The following GSK3B variants were observed in gnomAD, a reference collection of about 807,000 sequenced individuals.
GSK3B encodes glycogen synthase kinase 3 beta, also known as glycogen synthase kinase-3 beta.
GSK3B carries 15 observed loss-of-function variants against 56.4 expected under a neutral mutation model. The observed-to-expected ratio is 0.27, with a 90% CI of 0.18 to 0.41. The LOEUF is 0.41. Among genes scored for constraint, GSK3B ranks in the 10% least tolerant of loss-of-function variants. The pLI is 1.00. For synonymous variants in GSK3B, 181 were observed against 188.9 expected (o/e 0.96, Z 0.34); for missense variants, 300 against 513.4 (o/e 0.58, Z 4.02).
At chr3:119,874,945 C>T (rs1447877964) in intron 8 of GSK3B, among the ~76,000 whole-genome samples, 1 of 152,012 alleles carries the variant, frequency 6.6e-6, no homozygotes, top group Non-Finnish European at 1.5e-5. Flanking sequence ...CCTCTAAATC[C>T]AAGTAGGCCA....
intron 1 of GSK3B, among the ~76,000 whole-genome samples, chr3:120,013,114 G>T (rs2057793634): frequency 6.6e-6 from 1 of 152,046 alleles, no homozygotes. Context: ...CATATTTTTT[G>T]AAGTCTTCTC....
At chr3:119,949,886 G>GT (rs901648729) in intron 2 of GSK3B, among the ~76,000 whole-genome samples, 2 of 148,758 alleles carry the variant, frequency 1.3e-5, no homozygotes, top group Admixed American at 6.7e-5. Context: ...TATCTATTAA[G>GT]TTTTTTTTAA....
At chr3:119,999,806 T>C (rs1423328112) in intron 2 of GSK3B, among the ~76,000 whole-genome samples, 2 of 152,130 alleles carry the variant, frequency 1.3e-5, no homozygotes, top group African/African-American at 2.4e-5. Flanking sequence ...AGAGTGGTCA[T>C]AGAGAAGAAC....
intron 2 of GSK3B, among the ~76,000 whole-genome samples, chr3:119,980,906 T>C (rs1428896220): frequency 6.6e-6 from 1 of 152,150 alleles, no homozygotes; most frequent in African/African-American, 2.4e-5. Flanking sequence ...AAAGAGATGT[T>C]TACAAGTCAG....
intron 1 of GSK3B, among the ~76,000 whole-genome samples, chr3:120,048,995 G>A (rs1203711197): frequency 6.6e-6 from 1 of 152,162 alleles, no homozygotes; most frequent in East Asian, 1.9e-4. Flanking sequence ...TACATGTCAA[G>A]GGAAAAGTTA....
At chr3:120,085,812 A>ATTTT (rs2058458854) in intron 1 of GSK3B, among the ~76,000 whole-genome samples, 1 of 152,204 alleles carries the variant, frequency 6.6e-6, no homozygotes, top group South Asian at 2.1e-4. Context: ...TCTTGAGAAA[A>ATTTT]AAAAAAAAGT....
At chr3:120,052,108 G>A (rs1431106675) in intron 1 of GSK3B, among the ~76,000 whole-genome samples, 1 of 152,132 alleles carries the variant, frequency 6.6e-6, no homozygotes, top group African/African-American at 2.4e-5. Context: ...TGTTAGAGAA[G>A]TTCAATAAAG....
intron 4 of GSK3B, 76 bp from the exon 5 acceptor site, chr3:119,916,250 A>C (rs1330557737): frequency 1.4e-5 from 18 of 1,267,062 alleles, no homozygotes; most frequent in African/African-American, 4.5e-5. Context: ...TCAATAAAGT[A>C]ACAGATTCTC....
chr3:119,961,015 A>T (rs925760983), intron 2 of GSK3B, among the ~76,000 whole-genome samples: 10 of 152,174 alleles, frequency 6.6e-5, no homozygotes, highest in Admixed American at 6.5e-4. Context: ...ATATCAATAC[A>T]TTTCATTGTA....
At chr3:119,992,651 A>C (rs1217774932) in intron 2 of GSK3B, among the ~76,000 whole-genome samples, 2 of 152,068 alleles carry the variant, frequency 1.3e-5, no homozygotes, top group Non-Finnish European at 2.9e-5. Context: ...AGAAAAAAAA[A>C]ACTACCATAC....
intron 1 of GSK3B, among the ~76,000 whole-genome samples, chr3:120,051,540 G>C (rs1358981024): frequency 6.6e-6 from 1 of 152,196 alleles, no homozygotes; most frequent in African/African-American, 2.4e-5. Context: ...GCTGAGGCGG[G>C]TGTATCACCT....
chr3:119,851,477 G>A (rs1304940574), intron 9 of GSK3B, among the ~76,000 whole-genome samples: 1 of 152,180 alleles, frequency 6.6e-6, no homozygotes, highest in East Asian at 1.9e-4. Context: ...GCAGGTAGGT[G>A]CTAGTGGTAA....
chr3:120,072,057 T>A (rs2058330828), intron 1 of GSK3B, among the ~76,000 whole-genome samples: 1 of 152,200 alleles, frequency 6.6e-6, no homozygotes, highest in Admixed American at 6.5e-5. Context: ...TGATTAAAAA[T>A]GAAATGTCAG....
chr3:119,983,313 C>G lies in GSK3B; in HGVS notation c.282+18733G>C, dbSNP rs965176280. Among the ~76,000 whole-genome samples the G allele has an allele frequency of 9.2e-5, 14 of 152,206 alleles. No individual in the cohort carries two copies. The East Asian group carries it at 2.7e-3, about 29-fold the overall frequency. ...CTGCATCAATTAATGGGCAAAATAA[C>G]CAGCGAACATCATAATGACAGGAAC... On this transcript the variant is annotated intron_variant, in intron 2 of 10. Coordinates refer to ENST00000264235, the MANE Select transcript of GSK3B (RefSeq NM_001146156.2).
At chr3:119,857,366 G>A (rs138825587) in intron 9 of GSK3B, among the ~76,000 whole-genome samples, 21 of 152,234 alleles carry the variant, frequency 1.4e-4, no homozygotes, top group African/African-American at 3.9e-4. Context: ...CCCTGTCACC[G>A]CTTTCAACTA....
At chr3:119,853,056 G>T (rs1217946891) in intron 9 of GSK3B, among the ~76,000 whole-genome samples, 1 of 152,086 alleles carries the variant, frequency 6.6e-6, no homozygotes, top group Non-Finnish European at 1.5e-5. Context: ...CATGGTTTTC[G>T]GTCTAACATT....
intron 2 of GSK3B, among the ~76,000 whole-genome samples, chr3:119,950,225 G>GT (rs1263889298): frequency 2.6e-5 from 4 of 152,218 alleles, no homozygotes; most frequent in African/African-American, 9.7e-5. Context: ...AGTGAAGCAA[G>GT]TATAAGGACC....
At chr3:119,963,893 A>C (rs1246981204) in intron 2 of GSK3B, among the ~76,000 whole-genome samples, 2 of 152,184 alleles carry the variant, frequency 1.3e-5, no homozygotes, top group Admixed American at 1.3e-4. Flanking sequence ...ATTTAAACAT[A>C]AGATCTGAAA....
intron 6 of GSK3B, among the ~76,000 whole-genome samples, chr3:119,906,474 A>G (rs1314353959): frequency 6.6e-6 from 1 of 152,118 alleles, no homozygotes; most frequent in Non-Finnish European, 1.5e-5. Flanking sequence ...CAATCCGGAG[A>G]GAAAACTCTA....
Sources: allele counts gnomAD v4.1 joint callset (sites outside exome capture counted in the v4.1 genomes callset), GRCh38; gene constraint gnomAD v4.1.1; transcripts MANE v1.5; gene names NCBI Gene and HGNC (gene_info 2026-07-23, HGNC 2026-07-21).